Variants in PIGL observed in about 807,000 individuals in gnomAD.
The protein encoded by PIGL is phosphatidylinositol glycan anchor biosynthesis class L, also known as N-acetylglucosaminyl-phosphatidylinositol de-N-acetylase.
A neutral mutation model predicts 31.1 loss-of-function variants in PIGL; 22 were observed. That is an observed-to-expected ratio of 0.71 (90% CI 0.51 to 1.01). The LOEUF is 1.01. Ranked by LOEUF, PIGL falls within the 50% of genes least tolerant of loss-of-function variation. The pLI, the probability that PIGL is intolerant of heterozygous loss-of-function variation, is 0.00. For synonymous variants in PIGL, 131 were observed against 117.4 expected, an observed-to-expected ratio of 1.12 and a Z score of -0.75; for missense variants, 302 against 315.9, an observed-to-expected ratio of 0.96 and a Z score of 0.33.
chr17:16,271,420 T>C (rs2092871583), intron 2 of PIGL, among the ~76,000 whole-genome samples: 1 of 152,156 alleles, frequency 6.6e-6, no homozygotes, highest in Non-Finnish European at 1.5e-5. Context: ...GTCCTGCAAA[T>C]AGGTACGTAC....
At chr17:16,238,806 G>A (rs2092710396) in intron 2 of PIGL, among the ~76,000 whole-genome samples, 1 of 150,500 alleles carries the variant, frequency 6.6e-6, no homozygotes, top group African/African-American at 2.4e-5. Context: ...CTACTCATGA[G>A]GCTGAGGCAG....
intron 2 of PIGL, among the ~76,000 whole-genome samples, chr17:16,245,849 T>TC (rs2092744197): frequency 6.8e-6 from 1 of 148,146 alleles, no homozygotes; most frequent in South Asian, 2.1e-4. Flanking sequence ...TCTCGGAGTC[T>TC]CCCTCTGTCA....
chr17:16,254,854 G>C (rs555125983), intron 2 of PIGL, among the ~76,000 whole-genome samples: 3 of 152,060 alleles, frequency 2.0e-5, no homozygotes, highest in African/African-American at 7.2e-5. Flanking sequence ...CACCCGCCTC[G>C]GCCTCTCAAA....
At chr17:16,296,883 A>AT (rs1055386921) in intron 2 of PIGL, among the ~76,000 whole-genome samples, 156 of 147,686 alleles carry the variant, frequency 1.1e-3, no homozygotes, top group Admixed American at 2.6e-3. Context: ...CGCCCGGCTA[A>AT]TTTTTTTTTT....
intron 1 of PIGL, 24 bp from the exon 2 acceptor site, chr17:16,233,947 C>A: frequency 1.5e-6 from 2 of 1,341,402 alleles, no homozygotes; most frequent in Non-Finnish European, 2.1e-6. Flanking sequence ...AAAAAATCTA[C>A]CACTGTATAT....
intron 2 of PIGL, among the ~76,000 whole-genome samples, chr17:16,269,754 C>G (rs1195943897): frequency 7.9e-6 from 1 of 126,250 alleles, no homozygotes; most frequent in Non-Finnish European, 1.8e-5. Context: ...TGATTAAGAA[C>G]CTGAATTTTT....
chr17:16,231,255 C>T (rs567463862), intron 1 of PIGL, among the ~76,000 whole-genome samples: 119 of 135,380 alleles, frequency 8.8e-4, no homozygotes, highest in Middle Eastern at 4.2e-3. Context: ...TTTTTTGAGA[C>T]ACAGGGTCTC....
At chr17:16,265,695 G>A (rs9910148) in intron 2 of PIGL, among the ~76,000 whole-genome samples, 59,773 of 151,084 alleles carry the variant, frequency 0.4, 13,108 homozygotes, top group Middle Eastern at 0.52. Flanking sequence ...AGCCAAGATC[G>A]CACCACTGCA....
intron 2 of PIGL, among the ~76,000 whole-genome samples, chr17:16,275,375 G>A (rs914036398): frequency 3.3e-5 from 5 of 152,172 alleles, no homozygotes; most frequent in African/African-American, 1.2e-4. Context: ...CTTGGTTTTG[G>A]TGGGATTTTG....
rs2092773380 is a variant in PIGL, at chr17:16,251,876, AGAG to A, written c.335+17810_335+17812del. On this transcript the variant is annotated intron_variant, in intron 2 of 6. Transcript: ENST00000225609. ...TGCATGTATTGAAGGTCAGGCCTAG[AGAG>A]GAGATTAGAGACCCTTTCCAGAATA... Among the ~76,000 whole-genome samples the A allele has an allele frequency of 3.3e-5, 5 of 152,132 alleles. No homozygotes were observed. In the South Asian group the frequency reaches 1.0e-3, roughly 32 times the overall value.
chr17:16,247,056 G>A (rs905728766), intron 2 of PIGL, among the ~76,000 whole-genome samples: 1 of 151,992 alleles, frequency 6.6e-6, no homozygotes, highest in African/African-American at 2.4e-5. Flanking sequence ...TGACCTTCTC[G>A]CTATGTTCTC....
chr17:16,291,827 T>C (rs2092962123), intron 2 of PIGL, among the ~76,000 whole-genome samples: 1 of 151,018 alleles, frequency 6.6e-6, no homozygotes, highest in Non-Finnish European at 1.5e-5. Flanking sequence ...ATTGTGCCAC[T>C]GTACTCCAGC....
chr17:16,238,871 T>C (rs1253481257), intron 2 of PIGL, among the ~76,000 whole-genome samples: 1 of 140,212 alleles, frequency 7.1e-6, no homozygotes, highest in Non-Finnish European at 1.5e-5. Context: ...ATCACGCCGC[T>C]GCACTCCAGC....
intron 6 of PIGL, among the ~76,000 whole-genome samples, chr17:16,318,202 T>C (rs1290586965): frequency 6.6e-6 from 1 of 151,362 alleles, no homozygotes; most frequent in African/African-American, 2.4e-5. Flanking sequence ...AAAATAAAAA[T>C]AAGAACAATT....
chr17:16,241,290 T>G (rs1010287420), intron 2 of PIGL, among the ~76,000 whole-genome samples: 2 of 151,424 alleles, frequency 1.3e-5, no homozygotes, highest in Non-Finnish European at 2.9e-5. Flanking sequence ...TATGGGAGGA[T>G]GAAAGTCTTT....
chr17:16,234,620 C>T (rs2092692202), intron 2 of PIGL, among the ~76,000 whole-genome samples: 1 of 151,998 alleles, frequency 6.6e-6, no homozygotes, highest in Non-Finnish European at 1.5e-5. Context: ...CAAAAATTAG[C>T]CGGGCGTATT....
chr17:16,223,666 G>A (rs113342687), intron 1 of PIGL, among the ~76,000 whole-genome samples: 1,864 of 151,640 alleles, frequency 0.012, 42 homozygotes, highest in African/African-American at 0.042. Context: ...GATTGCTTGA[G>A]GCCAGGAGTT....
chr17:16,273,950 C>A (rs951124063), intron 2 of PIGL, among the ~76,000 whole-genome samples: 22 of 152,180 alleles, frequency 1.4e-4, no homozygotes, highest in African/African-American at 5.3e-4. Context: ...AGGGTGAGGT[C>A]TCCAGGTTCT....
chr17:16,319,770 A>AG (rs1204186432), intron 6 of PIGL, among the ~76,000 whole-genome samples: 1 of 151,758 alleles, frequency 6.6e-6, no homozygotes, highest in East Asian at 1.9e-4. Context: ...AAAAAAAAAA[A>AG]AGAGCCCAGG....
Sources: allele counts gnomAD v4.1 joint callset (sites outside exome capture counted in the v4.1 genomes callset), GRCh38; gene constraint gnomAD v4.1.1; transcripts MANE v1.5; gene names NCBI Gene and HGNC (gene_info 2026-07-23, HGNC 2026-07-21).